Variants in WWOX observed in about 807,000 individuals in gnomAD.
WWOX encodes the protein WW domain containing oxidoreductase, also known as WW domain-containing oxidoreductase.
Under a neutral mutation model 46.2 loss-of-function variants are expected in WWOX, and 69 were observed. The ratio of observed to expected loss-of-function variants is 1.49; its 90% CI spans 1.23 to 1.82. WWOX has a LOEUF of 1.82. Among genes scored for constraint, WWOX ranks in the 40% most tolerant of loss-of-function variants. The pLI is 0.00. For synonymous variants in WWOX, 359 were observed against 202.6 expected (o/e 1.77, Z -6.56); for missense variants, 919 against 542.6 (o/e 1.69, Z -6.89).
intron 8 of WWOX, among the ~76,000 whole-genome samples, chr16:79,126,927 G>A (rs1466174895): frequency 6.6e-6 from 1 of 152,090 alleles, no homozygotes; most frequent in Non-Finnish European, 1.5e-5. Context: ...GAGAGAGTGG[G>A]AAGTAATTTA....
chr16:78,404,622 G>T (rs997037010), intron 6 of WWOX, among the ~76,000 whole-genome samples: 10 of 152,118 alleles, frequency 6.6e-5, no homozygotes, highest in African/African-American at 1.9e-4. Flanking sequence ...CGGGACTATG[G>T]TTCATTTGTC....
chr16:78,736,868 C>G (rs184837387), intron 8 of WWOX, among the ~76,000 whole-genome samples: 3 of 152,226 alleles, frequency 2.0e-5, no homozygotes, highest in East Asian at 1.9e-4. Context: ...CTCAGAATCC[C>G]AAAGTGCTGG....
chr16:78,417,037 G>GC (rs1226914293), intron 6 of WWOX, among the ~76,000 whole-genome samples: 1 of 144,846 alleles, frequency 6.9e-6, no homozygotes, highest in African/African-American at 2.8e-5. Flanking sequence ...GTGACCCTTT[G>GC]GGGGTGTGTG....
Position 78,424,941 on chromosome 16 carries a change from A to G in WWOX, c.677A>G (p.Glu226Gly). ...LPWSLTKDGL[E>G]TTFQVNHLGH... is the part of the protein sequence containing the mutation. The stretch of plus-strand genomic sequence containing the variant: ...TGGAGTCTCACCAAAGATGGCCTGG[A>G]GACCACCTTTCAAGTGAATCATCTG... Residue 226 changes from glutamate (E) to glycine (G), a missense_variant, in exon 7 of 9, where the codon GAG becomes GGG. By Grantham distance (98) the Glu-to-Gly change is moderately conservative. Transcript: ENST00000566780. 1 of 1,614,178 alleles carries G rather than the reference A, an allele frequency of 6.2e-7. No individual in the cohort carries two copies. Among genetic ancestry groups the G allele is most frequent in the Non-Finnish European group, 8.5e-7 (1 of 1,180,032 alleles).
At chr16:78,916,396 C>T (rs1303488143) in intron 8 of WWOX, among the ~76,000 whole-genome samples, 2 of 152,080 alleles carry the variant, frequency 1.3e-5, no homozygotes, top group Non-Finnish European at 1.5e-5. Context: ...AAAAGTCAAA[C>T]ATGGGAAGAC....
intron 8 of WWOX, among the ~76,000 whole-genome samples, chr16:79,118,412 TATAATA>T (rs1050942141): frequency 6.6e-6 from 1 of 152,198 alleles, no homozygotes; most frequent in Non-Finnish European, 1.5e-5. Context: ...CCAAAACTGA[TATAATA>T]ATAATTTAAA....
rs1309329297 is a variant in WWOX, at chr16:79,207,610, C to G, written c.1057-3998C>G. On this transcript the variant is annotated intron_variant, in intron 8 of 8. Transcript: ENST00000566780. ...ATATAGATATGCCATGATATTGTGTCTATTTTTTATATATCTCATAGTTAA... is the reference window on the plus strand; with the variant it reads ...ATATAGATATGCCATGATATTGTGTGTATTTTTTATATATCTCATAGTTAA... 2.6e-5 allele frequency among the ~76,000 whole-genome samples: 4 copies of G among 152,312 alleles called. No individual in the cohort carries two copies. In the East Asian group the frequency reaches 5.8e-4, roughly 22 times the overall value.
At chr16:78,394,678 G>A (rs1156764728) in intron 6 of WWOX, among the ~76,000 whole-genome samples, 1 of 152,228 alleles carries the variant, frequency 6.6e-6, no homozygotes, top group Non-Finnish European at 1.5e-5. Flanking sequence ...TAAGATCTCT[G>A]TTGCAACTGC....
chr16:78,337,782 A>ATT lies in WWOX; in HGVS notation c.517-49077_517-49076dup. On this transcript the variant is annotated intron_variant, in intron 5 of 8. Transcript: ENST00000566780. ...CTCCAAGATGCCTCCAGCAATTATA[A>ATT]TTGAATCTTGAAGCTAGAGTTTCTT... 3.6e-5 allele frequency among the ~76,000 whole-genome samples: 2 copies of ATT among 56,158 alleles called. 1 individual carries two copies. Among genetic ancestry groups the ATT allele is most frequent in the Non-Finnish European group, 1.1e-4 (2 of 17,580 alleles). The allele number at this position is 56,158 out of a possible 152,430, so 36.8% of individuals were successfully genotyped here.
intron 8 of WWOX, among the ~76,000 whole-genome samples, chr16:78,461,136 TTGA>T (rs1408122918): frequency 6.6e-6 from 1 of 152,228 alleles, no homozygotes; most frequent in African/African-American, 2.4e-5. Context: ...ACTTTCTGAC[TTGA>T]TGAAAATGAA....
intron 8 of WWOX, among the ~76,000 whole-genome samples, chr16:78,543,699 T>A (rs2043955526): frequency 6.6e-6 from 1 of 152,154 alleles, no homozygotes; most frequent in Non-Finnish European, 1.5e-5. Context: ...AGACCTTAAC[T>A]TTTGTGCTCC....
In WWOX at chr16:78,681,427, T is replaced by A. The variant is rs187010049; in HGVS notation, c.1056+248675T>A. Among the ~76,000 whole-genome samples the A allele has an allele frequency of 4.0e-3, 601 of 152,088 alleles. 2 individuals are homozygous for A. The highest frequency in any genetic ancestry group is 0.014 in the African/African-American group (562 of 41,482). ...TCAAAAAACCAAAACAAAGGTCAAT[T>A]TTTTTTCCACATTCATCTATAAAAC... On this transcript the variant is annotated intron_variant, in intron 8 of 8. Transcript: ENST00000566780.
intron 5 of WWOX, among the ~76,000 whole-genome samples, chr16:78,368,701 C>A (rs1470741274): frequency 1.3e-5 from 2 of 152,238 alleles, no homozygotes; most frequent in Non-Finnish European, 1.5e-5. Context: ...CCCCTCCCCC[C>A]TCTAATGCTG....
At chr16:78,317,938 C>A (rs9936264) in intron 5 of WWOX, among the ~76,000 whole-genome samples, 12,312 of 152,184 alleles carry the variant, frequency 0.081, 616 homozygotes, top group Admixed American at 0.14. Context: ...TTGCGAATTT[C>A]TTTTTCAGCC....
intron 5 of WWOX, among the ~76,000 whole-genome samples, chr16:78,231,750 G>A (rs2037272426): frequency 6.6e-6 from 1 of 152,174 alleles, no homozygotes; most frequent in South Asian, 2.1e-4. Flanking sequence ...TTAAGGAGTA[G>A]CTGATTCAGA....
chr16:78,376,576 C>G (rs954589378), intron 5 of WWOX, among the ~76,000 whole-genome samples: 1 of 152,154 alleles, frequency 6.6e-6, no homozygotes, highest in African/African-American at 2.4e-5. Context: ...GTGCCTATGA[C>G]AAACCACACG....
At chr16:78,210,231 A>G (rs1309335385) in intron 5 of WWOX, among the ~76,000 whole-genome samples, 4 of 152,184 alleles carry the variant, frequency 2.6e-5, no homozygotes, top group African/African-American at 4.8e-5. Flanking sequence ...CAGGCTGTGG[A>G]TCAAGATGAA....
chr16:78,454,453 C>A (rs528921770), intron 8 of WWOX, among the ~76,000 whole-genome samples: 1 of 150,698 alleles, frequency 6.6e-6, no homozygotes, highest in Non-Finnish European at 1.5e-5. Context: ...GAGCAGTGTC[C>A]TGCTGTTTTT....
intron 8 of WWOX, among the ~76,000 whole-genome samples, chr16:79,115,475 C>A (rs927100088): frequency 6.6e-6 from 1 of 152,120 alleles, no homozygotes; most frequent in Non-Finnish European, 1.5e-5. Context: ...TATAAGCCAG[C>A]CACACATTTG....
Sources: allele counts gnomAD v4.1 joint callset (sites outside exome capture counted in the v4.1 genomes callset), GRCh38; gene constraint gnomAD v4.1.1; transcripts MANE v1.5; gene names NCBI Gene and HGNC (gene_info 2026-07-23, HGNC 2026-07-21).